VIT: variants seen among roughly 807,000 people sequenced by gnomAD.
The protein encoded by VIT is vitrin.
In VIT, 99 loss-of-function variants were observed where a neutral mutation model predicts 78.0. The ratio of observed to expected loss-of-function variants is 1.27; its 90% CI spans 1.08 to 1.50. VIT has a LOEUF of 1.50. Ranked by LOEUF, VIT falls within the 40% of genes most tolerant of loss-of-function variation. VIT has a pLI of 0.00. For missense variants in VIT, 1,126 were observed against 875.3 expected (o/e 1.29, Z -3.61); for synonymous variants, 374 against 334.3 (o/e 1.12, Z -1.29).
chr2:36,808,334 G>A, intron 14 of VIT, 138 bp from the exon 15 acceptor site: 1 of 1,237,052 alleles, frequency 8.1e-7, no homozygotes. Context: ...GAACCGAGAT[G>A]GAAGAACACG....
At chr2:36,726,818 C>CAAAAAA (rs758452109) in intron 2 of VIT, among the ~76,000 whole-genome samples, 19 of 111,598 alleles carry the variant, frequency 1.7e-4, no homozygotes, top group African/African-American at 7.2e-4. Flanking sequence ...GACTCTGTCT[C>CAAAAAA]AAAAAAAAAA....
intron 12 of VIT, among the ~76,000 whole-genome samples, chr2:36,794,500 A>G (rs1665729206): frequency 6.6e-6 from 1 of 152,248 alleles, no homozygotes; most frequent in African/African-American, 2.4e-5. Flanking sequence ...AAAAGGACAC[A>G]TATACGCTGG....
intron 1 of VIT, among the ~76,000 whole-genome samples, chr2:36,709,279 G>A (rs1665653459): frequency 6.6e-6 from 1 of 152,222 alleles, no homozygotes; most frequent in African/African-American, 2.4e-5. Flanking sequence ...GACTCAGAAT[G>A]TTTGAATCCA....
At chr2:36,720,495 A>G (rs1230333951) in intron 2 of VIT, among the ~76,000 whole-genome samples, 1 of 152,248 alleles carries the variant, frequency 6.6e-6, no homozygotes, top group African/African-American at 2.4e-5. Flanking sequence ...ATGGAATATT[A>G]TTCTGCCTTA....
chr2:36,776,379 T>C (rs1301730070), intron 9 of VIT, among the ~76,000 whole-genome samples: 1 of 152,226 alleles, frequency 6.6e-6, no homozygotes, highest in East Asian at 1.9e-4. Flanking sequence ...AGCTATCTTC[T>C]ATTATGATAG....
chr2:36,775,648 T>A (rs1558561810), intron 9 of VIT, among the ~76,000 whole-genome samples: 1 of 152,170 alleles, frequency 6.6e-6, no homozygotes, highest in Non-Finnish European at 1.5e-5. Flanking sequence ...CCACTCTGTC[T>A]CGACCCACAC....
intron 4 of VIT, among the ~76,000 whole-genome samples, chr2:36,748,135 T>G (rs1668249098): frequency 1.3e-5 from 2 of 152,104 alleles, no homozygotes; most frequent in Non-Finnish European, 2.9e-5. Flanking sequence ...GTCTGACCCT[T>G]TGATTACCTT....
At chr2:36,737,726 A>T (rs1213758365) in intron 3 of VIT, among the ~76,000 whole-genome samples, 1 of 152,022 alleles carries the variant, frequency 6.6e-6, no homozygotes, top group African/African-American at 2.4e-5. Context: ...GAGAAATACG[A>T]CTCCATGGTT....
At chr2:36,729,050 C>A (rs1038744021) in intron 2 of VIT, among the ~76,000 whole-genome samples, 1 of 151,848 alleles carries the variant, frequency 6.6e-6, no homozygotes, top group Non-Finnish European at 1.5e-5. Context: ...TTTACTATAC[C>A]TTTTTTATGT....
intron 15 of VIT, among the ~76,000 whole-genome samples, chr2:36,813,426 G>A (rs1667332792): frequency 6.6e-6 from 1 of 152,150 alleles, no homozygotes; most frequent in Admixed American, 6.5e-5. Flanking sequence ...TCTAGTCTGG[G>A]TGACAGAGTG....
chr2:36,799,835 G>C (rs1409730069), intron 12 of VIT, among the ~76,000 whole-genome samples: 1 of 151,974 alleles, frequency 6.6e-6, no homozygotes, highest in East Asian at 1.9e-4. Context: ...ATCACCTGAG[G>C]TGAGGAGTTG....
At chr2:36,701,733 C>T (rs989527194) in intron 1 of VIT, among the ~76,000 whole-genome samples, 36 of 152,164 alleles carry the variant, frequency 2.4e-4, no homozygotes, top group African/African-American at 8.4e-4. Context: ...CTTTTTGTTC[C>T]AGACAGAGAA....
intron 13 of VIT, among the ~76,000 whole-genome samples, chr2:36,802,696 A>C (rs1167994722): frequency 1.3e-5 from 2 of 152,136 alleles, no homozygotes; most frequent in Non-Finnish European, 2.9e-5. Flanking sequence ...GTCAGAAGGC[A>C]CTCTCGTTCC....
At chr2:36,782,561 T>C (rs566010280) in intron 10 of VIT, among the ~76,000 whole-genome samples, 1 of 152,342 alleles carries the variant, frequency 6.6e-6, no homozygotes, top group South Asian at 2.1e-4. Flanking sequence ...ACGGGGAGAC[T>C]CACTTCCAGT....
chr2:36,714,643 C>G (rs1423448161), intron 1 of VIT, among the ~76,000 whole-genome samples: 2 of 152,088 alleles, frequency 1.3e-5, no homozygotes, highest in Non-Finnish European at 2.9e-5. Context: ...AAAAAGCAGA[C>G]CAACTTTAAG....
chr2:36,802,014 C>A (rs148286336), intron 13 of VIT, among the ~76,000 whole-genome samples: 146 of 152,236 alleles, frequency 9.6e-4, no homozygotes, highest in Middle Eastern at 6.8e-3. Context: ...GTTAAGGAAG[C>A]CCCTCAGTGC....
intron 6 of VIT, among the ~76,000 whole-genome samples, chr2:36,761,727 G>A (rs972715110): frequency 3.3e-4 from 50 of 151,800 alleles, no homozygotes; most frequent in African/African-American, 1.2e-3. Context: ...GTGACAGAAC[G>A]AGACTCCATC....
At position 36,811,200 on chromosome 2, in the gene VIT, G is replaced by A. The variant is rs572534164; in HGVS notation, c.1903+2215G>A. Among the ~76,000 whole-genome samples, 31 of 152,268 alleles carry A rather than the reference G, an allele frequency of 2.0e-4. No homozygotes were observed. The East Asian group carries it at 4.1e-3, about 20-fold the overall frequency. ...AGGCTCATATCAGCAGATTGAAGAC[G>A]GATTAAGGCTCAGAAGCAACTGGCC... is the stretch of plus-strand genomic sequence containing the variant. On this transcript the variant is annotated intron_variant, in intron 15 of 15. Transcript: ENST00000379242.
At chr2:36,814,112 C>T in intron 15 of VIT, 71 bp from the exon 16 acceptor site, 1 of 1,557,904 alleles carries the variant, frequency 6.4e-7, no homozygotes, top group Non-Finnish European at 8.7e-7. Flanking sequence ...AACAGGGCCA[C>T]AAGAAGAGAG....
Sources: allele counts gnomAD v4.1 joint callset (sites outside exome capture counted in the v4.1 genomes callset), GRCh38; gene constraint gnomAD v4.1.1; transcripts MANE v1.5; gene names NCBI Gene and HGNC (gene_info 2026-07-23, HGNC 2026-07-21).